The following LYST variants were observed in gnomAD, a reference collection of about 807,000 sequenced individuals.
LYST encodes lysosomal trafficking regulator, also known as lysosomal-trafficking regulator.
Under a neutral mutation model 413.6 loss-of-function variants are expected in LYST, and 192 were observed. That is an observed-to-expected ratio of 0.46 (90% CI 0.41 to 0.52). LYST has a LOEUF of 0.52. LYST is among the 20% of genes least tolerant of loss of function. The pLI is 0.00. For synonymous variants in LYST, 1,525 were observed against 1,567.3 expected, an observed-to-expected ratio of 0.97 and a Z score of 0.64; for missense variants, 3,815 against 4,499.9, an observed-to-expected ratio of 0.85 and a Z score of 4.35.
At chr1:235,881,478 A>C (rs1278458712) in intron 1 of LYST, among the ~76,000 whole-genome samples, 1 of 152,248 alleles carries the variant, frequency 6.6e-6, no homozygotes, top group East Asian at 1.9e-4. Flanking sequence ...CTTCCGGTAC[A>C]TATCAAAGAG....
intron 31 of LYST, chr1:235,737,919 C>CGGAT: frequency 8.6e-7 from 1 of 1,160,712 alleles, no homozygotes; most frequent in Non-Finnish European, 1.1e-6. Context: ...GCCGACGAGT[C>CGGAT]TGGATCTCAC....
chr1:235,860,299 C>T (rs1400849057), intron 1 of LYST, among the ~76,000 whole-genome samples: 1 of 152,128 alleles, frequency 6.6e-6, no homozygotes, highest in Non-Finnish European at 1.5e-5. Context: ...TATGGACAGC[C>T]CCCCTAAACT....
chr1:235,683,978 A>G (rs1478472992), intron 48 of LYST, among the ~76,000 whole-genome samples: 1 of 152,232 alleles, frequency 6.6e-6, no homozygotes, highest in African/African-American at 2.4e-5. Flanking sequence ...GTTAAATAGT[A>G]ACTATTAATC....
rs748498238 is a variant in LYST, at chr1:235,679,984, G to GCTCT, written c.10801-2369_10801-2366dup. On this transcript the variant is annotated intron_variant, in intron 48 of 52. Transcript: ENST00000389793. ...TTGTCAGATCTTCAATGCTTTTAAG[G>GCTCT]CTCTCTCTCTCTCTCTCTATAAATA... Among the ~76,000 whole-genome samples the GCTCT allele has an allele frequency of 2.8e-5, 4 of 143,350 alleles. No individual in the cohort carries two copies. In the East Asian group the frequency reaches 5.9e-4, roughly 21 times the overall value. 94.0% of individuals were successfully genotyped at this position (143,350 alleles called of 152,430 possible). A position where few individuals can be genotyped will look rare whatever the true frequency, so the allele number is the denominator to read the frequency against.
chr1:235,790,329 A>AC (rs907703623), intron 12 of LYST, among the ~76,000 whole-genome samples: 21 of 152,294 alleles, frequency 1.4e-4, no homozygotes, highest in Admixed American at 1.0e-3. Context: ...CAGCTACATA[A>AC]CTTGGTCATG....
chr1:235,772,912 T>C (rs1572211829), intron 19 of LYST, among the ~76,000 whole-genome samples: 1 of 152,234 alleles, frequency 6.6e-6, no homozygotes, highest in East Asian at 1.9e-4. Context: ...TCCCCATGGC[T>C]GTTCAAAACT....
intron 2 of LYST, 99 bp from the exon 3 acceptor site, chr1:235,830,523 G>T: frequency 3.1e-6 from 3 of 962,806 alleles, no homozygotes; most frequent in Non-Finnish European, 1.6e-6. Flanking sequence ...ACTGAAGATT[G>T]GCTTAAAATT....
chr1:235,870,784 T>A (rs1232636351), upstream of LYST, among the ~76,000 whole-genome samples: 1 of 152,220 alleles, frequency 6.6e-6, no homozygotes, highest in Non-Finnish European at 1.5e-5. Context: ...TGGCACTTAG[T>A]AGGCACTCAG....
At chr1:235,713,417 C>T (rs1035555251) in intron 42 of LYST, among the ~76,000 whole-genome samples, 5 of 152,170 alleles carry the variant, frequency 3.3e-5, no homozygotes, top group African/African-American at 1.2e-4. Context: ...AAGAGTAGCA[C>T]ATTGGGTAGG....
rs565590481 is a variant in LYST, at chr1:235,880,982, C to T, written n.454+2205G>A. On this transcript the variant is annotated intron_variant and non_coding_transcript_variant, in intron 1 of 11. Transcript: ENST00000465349. ...CTCTACAAAAAATAAAAAAATTAGCCGGGCGTGGTGGAGGGTGCATGTAAT... is the reference window on the plus strand; with the variant it reads ...CTCTACAAAAAATAAAAAAATTAGCTGGGCGTGGTGGAGGGTGCATGTAAT... Among the ~76,000 whole-genome samples the T allele has an allele frequency of 5.3e-5, 8 of 152,062 alleles. No homozygotes were observed. In the East Asian group the frequency reaches 7.7e-4, roughly 15 times the overall value.
chr1:235,862,844 CA>C (rs1249855423), intron 1 of LYST, among the ~76,000 whole-genome samples: 6 of 147,108 alleles, frequency 4.1e-5, no homozygotes, highest in Non-Finnish European at 1.5e-5. Flanking sequence ...CACACACACA[CA>C]CACCCCTTCA....
chr1:235,711,947 TG>T, intron 43 of LYST, 109 bp downstream of exon 43: 1 of 710,166 alleles, frequency 1.4e-6, no homozygotes, highest in Non-Finnish European at 2.3e-6. Context: ...TTCTCTTATT[TG>T]GGGACTCAAA....
intron 17 of LYST, among the ~76,000 whole-genome samples, chr1:235,776,192 A>C (rs1002458662): frequency 1.3e-5 from 2 of 152,188 alleles, no homozygotes; most frequent in Admixed American, 1.3e-4. Context: ...ACTAGACACT[A>C]GATTAAAAAA....
chr1:235,778,119 A>ATT (rs1437702661), intron 16 of LYST, among the ~76,000 whole-genome samples: 6 of 145,888 alleles, frequency 4.1e-5, no homozygotes, highest in African/African-American at 8.0e-5. Flanking sequence ...ATATATATAT[A>ATT]TATTTTTGTA....
At chr1:235,827,669 C>A in intron 3 of LYST, 1 of 983,736 alleles carries the variant, frequency 1.0e-6, no homozygotes, top group Non-Finnish European at 1.2e-6. Context: ...ACTCCAAAGG[C>A]ACATCTACTG....
chr1:235,730,857 C>G lies in LYST; in HGVS notation c.9034G>C (p.Glu3012Gln), dbSNP rs758835327. The change falls in exon 36 of 53, where the codon GAA (glutamate) becomes CAA (glutamine). Residue 3012 changes from glutamate (E) to glutamine (Q), a missense_variant. Coordinates refer to ENST00000389793, the MANE Select transcript of LYST (RefSeq NM_000081.4). ...TTGATTCAAAGTTACCTTATAGATT[C>G]ACTTGCAGCTTTGTCTTTGACAGTA... is the stretch of plus-strand genomic sequence containing the variant. ...SSTVKDKAAS[E>Q]SIRVNRRCIS... The G allele has an allele frequency of 1.2e-6, 2 of 1,602,840 alleles. No individual in the cohort carries two copies. The highest frequency in any genetic ancestry group is 4.5e-5 in the East Asian group (2 of 44,780).
At chr1:235,842,450 G>T (rs1299442553) in intron 1 of LYST, among the ~76,000 whole-genome samples, 1 of 152,188 alleles carries the variant, frequency 6.6e-6, no homozygotes, top group East Asian at 1.9e-4. Context: ...TAACCATGAA[G>T]CTAGTATTTT....
At chr1:235,858,874 G>A (rs1241221555) in intron 1 of LYST, among the ~76,000 whole-genome samples, 1 of 152,170 alleles carries the variant, frequency 6.6e-6, no homozygotes, top group Middle Eastern at 3.2e-3. Context: ...GAAGGGGAGT[G>A]GGAGCAGGCA....
chr1:235,798,578 T>TAAAAAAAAAAAAAAAAAAAAAAAAA (rs71174462), intron 10 of LYST, among the ~76,000 whole-genome samples: 1 of 81,714 alleles, frequency 1.2e-5, no homozygotes, highest in Non-Finnish European at 2.4e-5. Context: ...AACCCTGTCA[T>TAAAAAAAAAAAAAAAAAAAAAAAAA]AAAAAAAAAA....
Sources: gnomAD v4.1 joint callset for allele counts (sites outside exome capture counted in the v4.1 genomes callset) on GRCh38, gnomAD v4.1.1 for gene constraint, MANE v1.5 for transcripts, NCBI Gene and HGNC (gene_info 2026-07-23, HGNC 2026-07-21) for gene names.